Variants in TRAPPC9 observed in about 807,000 individuals in gnomAD.
TRAPPC9 encodes IKK2 binding protein.
A neutral mutation model predicts 124.0 loss-of-function variants in TRAPPC9; 83 were observed. That is an observed-to-expected ratio of 0.67 (90% CI 0.56 to 0.80). The LOEUF is 0.80. Among genes scored for constraint, TRAPPC9 ranks in the 30% least tolerant of loss-of-function variants. The pLI, the probability that TRAPPC9 is intolerant of heterozygous loss-of-function variation, is 0.00. For synonymous variants in TRAPPC9, 638 were observed against 617.5 expected (o/e 1.03, Z -0.49); for missense variants, 1,302 against 1,508.3 (o/e 0.86, Z 2.27).
At chr8:140,303,895 T>A (rs1232754540) in intron 10 of TRAPPC9, among the ~76,000 whole-genome samples, 1 of 152,124 alleles carries the variant, frequency 6.6e-6, no homozygotes, top group African/African-American at 2.4e-5. Context: ...AAAACCAAAG[T>A]CATAATTATG....
chr8:139,981,280 C>T (rs1201519571), intron 19 of TRAPPC9, among the ~76,000 whole-genome samples: 1 of 152,216 alleles, frequency 6.6e-6, no homozygotes, highest in Non-Finnish European at 1.5e-5. Flanking sequence ...CTGCCACGGG[C>T]TCACTAACTG....
rs1837102659 is a variant in TRAPPC9, at chr8:139,984,332, T to C, written c.2810+4394A>G. Among the ~76,000 whole-genome samples the C allele has an allele frequency of 6.6e-6, 1 of 152,174 alleles. No individual in the cohort carries two copies. The highest frequency in any genetic ancestry group is 2.1e-4 in the South Asian group (1 of 4,822). Reference sequence around the variant, plus strand: ...CACCTTCCGCTCCTGCTGGTAGCGATGAAGCTGGAGTCTCAGCCCCACTAC... The same window carrying C: ...CACCTTCCGCTCCTGCTGGTAGCGACGAAGCTGGAGTCTCAGCCCCACTAC... On this transcript the variant is annotated intron_variant, in intron 19 of 22. Coordinates refer to ENST00000438773, the MANE Select transcript of TRAPPC9 (RefSeq NM_001160372.4). This position sits in a 1 kb window ranked among gnomAD's most constrained non-coding sequence, Gnocchi z 4.3.
chr8:140,324,356 C>T (rs372809848), intron 9 of TRAPPC9, among the ~76,000 whole-genome samples: 6 of 152,132 alleles, frequency 3.9e-5, no homozygotes, highest in African/African-American at 1.4e-4. Context: ...AGATACAATA[C>T]TAAATTTGTA....
chr8:140,272,178 T>C (rs935798837), intron 15 of TRAPPC9, among the ~76,000 whole-genome samples: 1 of 136,306 alleles, frequency 7.3e-6, no homozygotes, highest in African/African-American at 2.7e-5. Flanking sequence ...GTTATAGTGG[T>C]GGTGGTTATG....
At position 140,221,482 on chromosome 8, in the gene TRAPPC9, C is replaced by T. The variant is rs1458597590; in HGVS notation, c.2533G>A (p.Ala845Thr). 3 of 1,614,146 alleles carry T rather than the reference C, an allele frequency of 1.9e-6. No homozygotes were observed. The highest frequency in any genetic ancestry group is 2.5e-6 in the Non-Finnish European group (3 of 1,179,994). The change falls in exon 17 of 23, where the codon GCA (alanine) becomes ACA (threonine). Residue 845 changes from alanine (A) to threonine (T), a missense_variant. By Grantham distance (58) the Ala-to-Thr change is moderately conservative. This residue lies in a region of TRAPPC9 where 640 missense variants were observed against 679.3 expected (regional missense o/e 0.94). Coordinates refer to ENST00000438773, the MANE Select transcript of TRAPPC9 (RefSeq NM_001160372.4). The part of the protein sequence containing the change: ...KPVNPPESNK[A>T]GDYSHVKTLE... ...ACCTTCACGTGGCTGTAGTCGCCTGCTTTGTTGCTCTCGGGTGGGTTCACA... is the reference window on the plus strand; with the variant it reads ...ACCTTCACGTGGCTGTAGTCGCCTGTTTTGTTGCTCTCGGGTGGGTTCACA...
chr8:139,965,999 G>A (rs2131586232), intron 19 of TRAPPC9, among the ~76,000 whole-genome samples: 1 of 152,340 alleles, frequency 6.6e-6, no homozygotes, highest in East Asian at 1.9e-4. Flanking sequence ...AGGGGAAAAT[G>A]TCCTTGGTAC....
chr8:139,852,126 T>C (rs1050734022), intron 21 of TRAPPC9, among the ~76,000 whole-genome samples: 1 of 152,202 alleles, frequency 6.6e-6, no homozygotes, highest in Non-Finnish European at 1.5e-5. Flanking sequence ...GGAGCTTTCC[T>C]ACATAAGCTC....
At position 139,984,882 on chromosome 8, in the gene TRAPPC9, G is replaced by A. The variant is rs746176292; in HGVS notation, c.2810+3844C>T. Among the ~76,000 whole-genome samples, 1 of 152,056 alleles carries A rather than the reference G, an allele frequency of 6.6e-6. No homozygotes were observed. The highest frequency in any genetic ancestry group is 1.9e-4 in the East Asian group (1 of 5,178). On this transcript the variant is annotated intron_variant, in intron 19 of 22. Coordinates refer to ENST00000438773, the MANE Select transcript of TRAPPC9 (RefSeq NM_001160372.4). This position sits in a 1 kb window ranked among gnomAD's most constrained non-coding sequence, Gnocchi z 4.3. Reference sequence around the variant, plus strand: ...CCTCATGACCTCTAGTTCACCCAACGCTCCCACCCGGCCCGGGACAGCAAG... The same window carrying A: ...CCTCATGACCTCTAGTTCACCCAACACTCCCACCCGGCCCGGGACAGCAAG...
At chr8:139,948,039 G>A (rs944190713) in intron 19 of TRAPPC9, among the ~76,000 whole-genome samples, 5 of 151,084 alleles carry the variant, frequency 3.3e-5, no homozygotes, top group Admixed American at 2.0e-4. Context: ...TTGCATGGCC[G>A]TGGGAACATT....
At chr8:140,185,728 G>A (rs1333655841) in intron 17 of TRAPPC9, among the ~76,000 whole-genome samples, 1 of 152,274 alleles carries the variant, frequency 6.6e-6, no homozygotes, top group African/African-American at 2.4e-5. Flanking sequence ...ACGTGGTGCA[G>A]TGTCGCGGGC....
intron 21 of TRAPPC9, among the ~76,000 whole-genome samples, chr8:139,830,747 CTG>C (rs1305560131): frequency 3.3e-5 from 5 of 152,190 alleles, no homozygotes; most frequent in Non-Finnish European, 7.3e-5. Flanking sequence ...CTAGAAGGGG[CTG>C]TGTTAGCCAA....
At chr8:140,383,974 A>G (rs1181402702) in intron 7 of TRAPPC9, among the ~76,000 whole-genome samples, 1 of 152,208 alleles carries the variant, frequency 6.6e-6, no homozygotes, top group Non-Finnish European at 1.5e-5. Flanking sequence ...CTCGGCAGAA[A>G]CTCTACAAGC....
Position 139,984,458 on chromosome 8 carries a change from G to T in TRAPPC9, c.2810+4268C>A, listed in dbSNP as rs912653759. ...GTTTAGCACAGCCTGGGGGTGGGGG[G>T]CCGGGGGGTGGTGGCAGGGGTGCCT... On this transcript the variant is annotated intron_variant, in intron 19 of 22. Coordinates refer to ENST00000438773, the MANE Select transcript of TRAPPC9 (RefSeq NM_001160372.4). This position sits in a 1 kb window ranked among gnomAD's most constrained non-coding sequence, Gnocchi z 4.3. Among the ~76,000 whole-genome samples the T allele has an allele frequency of 6.6e-6, 1 of 151,830 alleles. No homozygotes were observed. Among genetic ancestry groups the T allele is most frequent in the Non-Finnish European group, 1.5e-5 (1 of 67,930 alleles).
chr8:140,117,217 G>C (rs1259890641), intron 17 of TRAPPC9, among the ~76,000 whole-genome samples: 2 of 152,180 alleles, frequency 1.3e-5, no homozygotes, highest in Non-Finnish European at 2.9e-5. Flanking sequence ...GTTCTTTGTA[G>C]ACTGGTGTAA....
intron 1 of TRAPPC9, among the ~76,000 whole-genome samples, chr8:140,457,103 G>C (rs1305439782): frequency 7.2e-5 from 11 of 152,258 alleles, no homozygotes; most frequent in African/African-American, 2.7e-4. Flanking sequence ...AGGAGGGAAA[G>C]GGCTAGGGGA....
At chr8:139,826,211 G>A (rs1234268755) in intron 21 of TRAPPC9, among the ~76,000 whole-genome samples, 1 of 152,206 alleles carries the variant, frequency 6.6e-6, no homozygotes, top group Non-Finnish European at 1.5e-5. Context: ...CAGACTCTGG[G>A]GGCCTGGAAT....
intron 17 of TRAPPC9, among the ~76,000 whole-genome samples, chr8:140,071,518 G>T (rs1843156506): frequency 6.6e-6 from 1 of 152,178 alleles, no homozygotes; most frequent in Admixed American, 6.5e-5. Flanking sequence ...CTGGAGGAAG[G>T]CACAATGTCT....
intron 6 of TRAPPC9, among the ~76,000 whole-genome samples, chr8:140,401,942 T>TTA (rs1490403547): frequency 5.3e-5 from 8 of 151,308 alleles, no homozygotes; most frequent in African/African-American, 1.9e-4. Context: ...TTTTTTTTTT[T>TTA]AATTAATTCT....
At chr8:139,846,995 T>TTC (rs2130912743) in intron 21 of TRAPPC9, among the ~76,000 whole-genome samples, 1 of 152,364 alleles carries the variant, frequency 6.6e-6, no homozygotes, top group African/African-American at 2.4e-5. Context: ...CAATCATGCA[T>TTC]TCAGTGATGA....
Sources: allele counts gnomAD v4.1 joint callset (sites outside exome capture counted in the v4.1 genomes callset), GRCh38; gene constraint gnomAD v4.1.1; regional missense constraint gnomAD v4.1.1; non-coding constraint Gnocchi (gnomAD v3.1); transcripts MANE v1.5; gene names NCBI Gene and HGNC (gene_info 2026-07-23, HGNC 2026-07-21).